The following ARHGAP28 variants were observed in gnomAD, a reference collection of about 807,000 sequenced individuals.
ARHGAP28 encodes rho GTPase-activating protein 28.
Under a neutral mutation model 90.7 loss-of-function variants are expected in ARHGAP28, and 56 were observed. The observed-to-expected ratio is 0.62, with a 90% confidence interval of 0.50 to 0.77. The LOEUF (loss-of-function observed/expected upper bound fraction) is 0.77, where lower values mean the gene tolerates loss of function less well. Ranked by LOEUF, ARHGAP28 falls within the 30% of genes least tolerant of loss-of-function variation. The pLI, the probability that ARHGAP28 is intolerant of heterozygous loss-of-function variation, is 0.00. For synonymous variants in ARHGAP28, 308 were observed against 323.3 expected, an observed-to-expected ratio of 0.95 and a Z score of 0.51; for missense variants, 869 against 900.9, an observed-to-expected ratio of 0.96 and a Z score of 0.45.
At position 6,882,281 on chromosome 18, in the gene ARHGAP28, T is replaced by G; in HGVS notation, c.1435T>G (p.Phe479Val). Residue 479 changes from phenylalanine to valine, a missense_variant, in exon 11 of 18, where the codon TTC becomes GTC. Transcript: ENST00000383472. ...SLFPVEYIPA[F>V]ISLMERGPHV... ...CTTCCCTGTGGAATATATACCTGCCTTCATCAGTCTAATGGAAAGTAGGTG... is the reference window on the plus strand; with the variant it reads ...CTTCCCTGTGGAATATATACCTGCCGTCATCAGTCTAATGGAAAGTAGGTG... 6.2e-7 allele frequency: 1 copy of G among 1,613,228 alleles called. No individual in the cohort carries two copies. The highest frequency in any genetic ancestry group is 8.5e-7 in the Non-Finnish European group (1 of 1,179,720).
chr18:6,898,916 C>CTT lies in ARHGAP28; in HGVS notation c.2030+2291_2030+2292insTT, dbSNP rs1454280996. Reference sequence around the variant, plus strand: ...GGGGAAGAGGGTGAGGGATAAAAGACTATAAATTGGGTTCAGTGTATACTG... The same window carrying CTT: ...GGGGAAGAGGGTGAGGGATAAAAGACTTTATAAATTGGGTTCAGTGTATACTG... On this transcript the variant is annotated intron_variant, in intron 16 of 17. Transcript: ENST00000383472. Among the ~76,000 whole-genome samples the CTT allele has an allele frequency of 2.1e-3, 312 of 152,074 alleles. 1 individual carries two copies. The highest frequency in any genetic ancestry group is 7.2e-3 in the African/African-American group (297 of 41,476).
intron 1 of ARHGAP28, among the ~76,000 whole-genome samples, chr18:6,794,676 G>T (rs2056429091): frequency 6.7e-6 from 1 of 149,414 alleles, no homozygotes; most frequent in South Asian, 2.1e-4. Flanking sequence ...AAAATCACAT[G>T]ATCAATTTAA....
intron 7 of ARHGAP28, 152 bp downstream of exon 7, chr18:6,870,884 T>C (rs1233401443): frequency 7.9e-6 from 6 of 761,910 alleles, no homozygotes; most frequent in Non-Finnish European, 1.2e-5. Flanking sequence ...CACTGCAAGC[T>C]CTGCCTCCCG....
intron 1 of ARHGAP28, among the ~76,000 whole-genome samples, chr18:6,802,636 C>G (rs958058680): frequency 2.6e-5 from 4 of 152,030 alleles, no homozygotes; most frequent in African/African-American, 4.8e-5. Context: ...CTTTAGCCAC[C>G]ATGCCCAGCC....
At chr18:6,762,386 C>T (rs2056168510) in intron 1 of ARHGAP28, among the ~76,000 whole-genome samples, 1 of 152,162 alleles carries the variant, frequency 6.6e-6, no homozygotes, top group South Asian at 2.1e-4. Context: ...CCACCACTTC[C>T]CTCTCTAGCT....
At chr18:6,781,981 G>T (rs1360502628) in intron 1 of ARHGAP28, among the ~76,000 whole-genome samples, 1 of 152,160 alleles carries the variant, frequency 6.6e-6, no homozygotes, top group African/African-American at 2.4e-5. Context: ...GTTTAGGGAT[G>T]GGGACAGGGC....
intron 4 of ARHGAP28, among the ~76,000 whole-genome samples, chr18:6,857,257 C>CA (rs1448745942): frequency 6.6e-6 from 1 of 152,252 alleles, no homozygotes; most frequent in Non-Finnish European, 1.5e-5. Context: ...GAAACAACAA[C>CA]AAAAAATCAT....
chr18:6,864,500 A>G (rs2057022956), intron 5 of ARHGAP28, among the ~76,000 whole-genome samples: 1 of 152,172 alleles, frequency 6.6e-6, no homozygotes, highest in Non-Finnish European at 1.5e-5. Context: ...TTATAAATTT[A>G]TTGTGTGTGT....
intron 1 of ARHGAP28, among the ~76,000 whole-genome samples, chr18:6,731,293 T>A (rs528250714): frequency 1.8e-3 from 256 of 144,390 alleles, no homozygotes; most frequent in Non-Finnish European, 3.4e-3. Flanking sequence ...TATGTGTGCG[T>A]GTGTGTGTGT....
At chr18:6,731,621 A>G (rs558089628) in intron 1 of ARHGAP28, among the ~76,000 whole-genome samples, 32 of 152,276 alleles carry the variant, frequency 2.1e-4, no homozygotes, top group African/African-American at 6.5e-4. Flanking sequence ...CACTCTGTCT[A>G]TGGGAGCCTT....
chr18:6,822,365 T>C (rs1411596259), intron 1 of ARHGAP28, among the ~76,000 whole-genome samples: 1 of 152,170 alleles, frequency 6.6e-6, no homozygotes, highest in Non-Finnish European at 1.5e-5. Flanking sequence ...GTGTGAGCAG[T>C]GGTAACTGAT....
chr18:6,850,037 C>T (rs1440464906), intron 3 of ARHGAP28, among the ~76,000 whole-genome samples: 1 of 152,050 alleles, frequency 6.6e-6, no homozygotes, highest in Non-Finnish European at 1.5e-5. Context: ...GTAGATTTTG[C>T]CTGCATTATT....
intron 1 of ARHGAP28, among the ~76,000 whole-genome samples, chr18:6,772,482 T>A (rs541600212): frequency 6.6e-6 from 1 of 152,234 alleles, no homozygotes; most frequent in South Asian, 2.1e-4. Context: ...GAGACCATAC[T>A]TGGAGTACCC....
At chr18:6,826,818 G>A (rs1020948094) in intron 2 of ARHGAP28, among the ~76,000 whole-genome samples, 2 of 151,514 alleles carry the variant, frequency 1.3e-5, no homozygotes, top group African/African-American at 4.9e-5. Flanking sequence ...GGTTTTCCTA[G>A]GCAGAGGACC....
intron 1 of ARHGAP28, among the ~76,000 whole-genome samples, chr18:6,820,889 G>A (rs923258404): frequency 1.3e-5 from 2 of 152,198 alleles, no homozygotes; most frequent in Non-Finnish European, 1.5e-5. Context: ...TAAGGAATGC[G>A]AGAGAAATGC....
chr18:6,841,208 C>CTCTCCTCTCCTCTCTCTCTCTCT (rs1555631529), intron 3 of ARHGAP28, among the ~76,000 whole-genome samples: 1 of 43,136 alleles, frequency 2.3e-5, no homozygotes, highest in Non-Finnish European at 4.5e-5. Context: ...TCTCTCCTCT[C>CTCTCCTCTCCTCTCTCTCTCTCT]CTCTCTCTCT....
At position 6,870,444 on chromosome 18, in the gene ARHGAP28, G is replaced by C. The variant is rs1410406585; in HGVS notation, c.812-146G>C. On this transcript the variant is annotated intron_variant, in intron 6 of 17. Transcript: ENST00000383472. Reference sequence around the variant, plus strand: ...ACTGTTGTTTAACTGAACTCCTCGGGGTGAGTCTGCTGCTTTTCCTCGCAT... The same window carrying C: ...ACTGTTGTTTAACTGAACTCCTCGGCGTGAGTCTGCTGCTTTTCCTCGCAT... 4 of 746,794 alleles carry C rather than the reference G, an allele frequency of 5.4e-6. No homozygotes were observed. The East Asian group carries it at 1.1e-4, about 21-fold the overall frequency. The allele number at this position is 746,794 out of a possible 1,614,324, so 46.3% of individuals were successfully genotyped here. A position where few individuals can be genotyped will look rare whatever the true frequency, so the allele number is the denominator to read the frequency against.
intron 4 of ARHGAP28, among the ~76,000 whole-genome samples, chr18:6,855,301 C>T (rs896172798): frequency 2.0e-5 from 3 of 152,088 alleles, no homozygotes; most frequent in African/African-American, 4.8e-5. Context: ...TTTCCAGGCC[C>T]GCCCATGGCC....
intron 5 of ARHGAP28, among the ~76,000 whole-genome samples, chr18:6,861,090 A>C (rs572252706): frequency 6.6e-6 from 1 of 152,352 alleles, no homozygotes; most frequent in East Asian, 1.9e-4. Context: ...AGTGACCTGC[A>C]GTAGATCTTA....
Sources: allele counts gnomAD v4.1 joint callset (sites outside exome capture counted in the v4.1 genomes callset), GRCh38; gene constraint gnomAD v4.1.1; transcripts MANE v1.5; gene names NCBI Gene and HGNC (gene_info 2026-07-23, HGNC 2026-07-21).